The following TXNDC8 variants were observed in gnomAD, a reference collection of about 807,000 sequenced individuals.
TXNDC8 encodes thioredoxin domain containing 8, also known as thioredoxin domain-containing protein 8.
TXNDC8 carries 15 observed loss-of-function variants against 12.9 expected under a neutral mutation model. The observed-to-expected ratio is 1.16, with a 90% CI of 0.78 to 1.79. The LOEUF is 1.79. Ranked by LOEUF, TXNDC8 falls within the 40% of genes most tolerant of loss-of-function variation. TXNDC8 has a pLI of 0.00. For synonymous variants in TXNDC8, 40 were observed against 35.4 expected, an observed-to-expected ratio of 1.13 and a Z score of -0.46; for missense variants, 128 against 113.2, an observed-to-expected ratio of 1.13 and a Z score of -0.59.
At chr9:110,320,041 T>G (rs1461548885) in intron 3 of TXNDC8, among the ~76,000 whole-genome samples, 4 of 152,248 alleles carry the variant, frequency 2.6e-5, no homozygotes, top group Non-Finnish European at 5.9e-5. Flanking sequence ...ATCTCTCTTA[T>G]GAGTGAACCT....
At chr9:110,319,064 C>T (rs1348963573) in intron 3 of TXNDC8, among the ~76,000 whole-genome samples, 3 of 152,202 alleles carry the variant, frequency 2.0e-5, no homozygotes, top group Non-Finnish European at 4.4e-5. Context: ...TTCCATCTCA[C>T]TTAGTTCTTG....
chr9:110,322,863 T>G, intron 3 of TXNDC8: 1 of 985,452 alleles, frequency 1.0e-6, no homozygotes, highest in Non-Finnish European at 1.2e-6. Context: ...TCATGAGTAT[T>G]TTCTATCCAC....
chr9:110,333,266 G>C (rs894447982), intron 2 of TXNDC8, among the ~76,000 whole-genome samples: 2 of 152,174 alleles, frequency 1.3e-5, no homozygotes, highest in Non-Finnish European at 2.9e-5. Flanking sequence ...CCTCCTGTCA[G>C]ATCAGCGTGG....
intron 2 of TXNDC8, 99 bp downstream of exon 2, chr9:110,334,117 A>G: frequency 1.1e-6 from 1 of 922,952 alleles, no homozygotes. Flanking sequence ...TGGCTCCAGA[A>G]TGGCTCATAA....
chr9:110,337,033 T>A (rs139031107), intron 1 of TXNDC8, among the ~76,000 whole-genome samples: 183 of 152,358 alleles, frequency 1.2e-3, no homozygotes, highest in African/African-American at 4.4e-3. Context: ...TATGTCGAAG[T>A]TACAGGGCAG....
At chr9:110,317,389 C>G (rs1018120620) in intron 3 of TXNDC8, among the ~76,000 whole-genome samples, 2 of 152,196 alleles carry the variant, frequency 1.3e-5, no homozygotes, top group Admixed American at 6.5e-5. Flanking sequence ...GTGAGCTTAT[C>G]TGTTAAGCTG....
intron 2 of TXNDC8, among the ~76,000 whole-genome samples, chr9:110,327,514 G>C (rs10759412): frequency 0.39 from 59,099 of 151,696 alleles, 13,302 homozygotes; most frequent in African/African-American, 0.62. Flanking sequence ...GTAGAGATGG[G>C]GGTTCGCCAC....
chr9:110,324,784 T>C (rs1300844760), intron 3 of TXNDC8, among the ~76,000 whole-genome samples: 1 of 152,216 alleles, frequency 6.6e-6, no homozygotes, highest in Non-Finnish European at 1.5e-5. Flanking sequence ...TCATAAGGTA[T>C]GGAAAATTGC....
intron 3 of TXNDC8, among the ~76,000 whole-genome samples, chr9:110,305,559 T>G (rs1303633251): frequency 9.4e-6 from 1 of 106,488 alleles, no homozygotes; most frequent in East Asian, 3.0e-4. Context: ...TCTTTCTTTC[T>G]TTCTTTCTTT....
intron 3 of TXNDC8, 109 bp from the exon 5 acceptor site, chr9:110,304,641 G>C (rs997772154): frequency 1.0e-6 from 1 of 998,270 alleles, no homozygotes; most frequent in Admixed American, 2.7e-5. Flanking sequence ...GTGTCAGAAA[G>C]GATCTGCAAA....
intron 3 of TXNDC8, among the ~76,000 whole-genome samples, chr9:110,322,101 A>G (rs934255752): frequency 6.6e-6 from 1 of 152,200 alleles, no homozygotes; most frequent in African/African-American, 2.4e-5. Flanking sequence ...TGATCCAGGT[A>G]TGAATCTGTC....
At chr9:110,303,754 T>C in intron 4 of TXNDC8, 171 bp from the exon 6 acceptor site, 1 of 1,487,094 alleles carries the variant, frequency 6.7e-7, no homozygotes, top group Non-Finnish European at 9.1e-7. Context: ...CATAATATTT[T>C]CATATTTGGC....
Position 110,311,521 on chromosome 9 carries a change from G to GTGTA in TXNDC8, c.196-6990_196-6989insTACA, listed in dbSNP as rs1554702024. Among the ~76,000 whole-genome samples the GTGTA allele has an allele frequency of 2.4e-3, 101 of 41,240 alleles. 2 individuals are homozygous for GTGTA. Among genetic ancestry groups the GTGTA allele is most frequent in the African/African-American group, 5.3e-3 (88 of 16,654 alleles). The allele number at this position is 41,240 out of a possible 152,430, so 27.1% of individuals were successfully genotyped here. On this transcript the variant is annotated intron_variant, in intron 3 of 4. Transcript: ENST00000423740. ...TAAAGAAAGTTACAAAAATAAAGAG[G>GTGTA]TATATATATATATATATATATATAT...
chr9:110,310,850 A>G (rs1838638968), intron 3 of TXNDC8, among the ~76,000 whole-genome samples: 1 of 152,246 alleles, frequency 6.6e-6, no homozygotes, highest in Admixed American at 6.5e-5. Context: ...TTACAAAACT[A>G]TAAACCCAGC....
intron 2 of TXNDC8, among the ~76,000 whole-genome samples, chr9:110,333,461 C>T (rs1246027306): frequency 6.6e-6 from 1 of 152,132 alleles, no homozygotes; most frequent in East Asian, 1.9e-4. Context: ...CAAAACTGGT[C>T]CTGGTGTCAA....
intron 3 of TXNDC8, among the ~76,000 whole-genome samples, chr9:110,307,892 G>T (rs553489921): frequency 4.6e-5 from 7 of 152,240 alleles, no homozygotes; most frequent in South Asian, 2.1e-4. Context: ...TCCTCTAACC[G>T]TCTTGGGCAC....
chr9:110,307,360 T>C (rs544365192), intron 3 of TXNDC8, among the ~76,000 whole-genome samples: 1 of 152,288 alleles, frequency 6.6e-6, no homozygotes, highest in Non-Finnish European at 1.5e-5. Context: ...ACCTGTCTTA[T>C]TCTATCTTTA....
At chr9:110,310,393 A>T (rs1022911494) in intron 3 of TXNDC8, among the ~76,000 whole-genome samples, 1 of 152,204 alleles carries the variant, frequency 6.6e-6, no homozygotes, top group Admixed American at 6.5e-5. Context: ...TGCAAATTTA[A>T]GGCGATTTAG....
chr9:110,328,571 C>T (rs912747785), intron 2 of TXNDC8, among the ~76,000 whole-genome samples: 1 of 152,226 alleles, frequency 6.6e-6, no homozygotes, highest in Non-Finnish European at 1.5e-5. Flanking sequence ...CTTTGGGAGG[C>T]TGAGGCAGGT....
Sources: allele counts gnomAD v4.1 joint callset (sites outside exome capture counted in the v4.1 genomes callset), GRCh38; gene constraint gnomAD v4.1.1; transcripts MANE v1.5; gene names NCBI Gene and HGNC (gene_info 2026-07-23, HGNC 2026-07-21).